MEGF10: variants seen among roughly 807,000 people sequenced by gnomAD.
MEGF10 encodes the protein multiple EGF like domains 10, also known as multiple epidermal growth factor-like domains protein 10.
In MEGF10, 86 loss-of-function variants were observed where a neutral mutation model predicts 147.5. The ratio of observed to expected loss-of-function variants is 0.58; its 90% CI spans 0.49 to 0.70. The LOEUF is 0.70. Among genes scored for constraint, MEGF10 ranks in the 30% least tolerant of loss-of-function variants. The pLI, the probability that MEGF10 is intolerant of heterozygous loss-of-function variation, is 0.00. For synonymous variants in MEGF10, 478 were observed against 525.5 expected, an observed-to-expected ratio of 0.91 and a Z score of 1.24; for missense variants, 1,329 against 1,487.3, an observed-to-expected ratio of 0.89 and a Z score of 1.75.
the MEGF10 span, among the ~76,000 whole-genome samples, chr5:127,244,448 C>A: frequency 4.0e-5 from 6 of 150,598 alleles, no homozygotes; most frequent in East Asian, 9.8e-4. Context: ...TGAATGAAAG[C>A]AATAGCCAAA....
chr5:127,273,395 C>A, the MEGF10 span, among the ~76,000 whole-genome samples: 1 of 152,196 alleles, frequency 6.6e-6, no homozygotes, highest in Admixed American at 6.5e-5. Flanking sequence ...CCTCATCAGT[C>A]CCAATGTGAG....
intron 4 of MEGF10, among the ~76,000 whole-genome samples, chr5:127,366,173 C>G (rs925133328): frequency 6.6e-6 from 1 of 151,998 alleles, no homozygotes. Context: ...GTGTGGGCGT[C>G]TGTGTCATGA....
At position 127,410,539 on chromosome 5, in the gene MEGF10, T is replaced by C; in HGVS notation, c.1068T>C (p.Pro356=). The part of the protein sequence containing the change: ...AGERCEARLC[P]EGLYGIKCDK... ...AGCGCTGCGAAGCACGCCTGTGTCC[T>C]GAGGGGCTCTACGGCATCAAATGTG... is the stretch of plus-strand genomic sequence containing the variant. Residue 356 remains proline (P), a synonymous_variant, in exon 9 of 25, where the codon CCT becomes CCC. Coordinates refer to ENST00000503335, the MANE Select transcript of MEGF10 (RefSeq NM_001256545.2). 6.2e-7 allele frequency: 1 copy of C among 1,613,456 alleles called. No individual in the cohort carries two copies. Among genetic ancestry groups the C allele is most frequent in the Non-Finnish European group, 8.5e-7 (1 of 1,180,016 alleles).
intron 17 of MEGF10, among the ~76,000 whole-genome samples, chr5:127,439,314 AG>A (rs1425091621): frequency 6.6e-6 from 1 of 152,236 alleles, no homozygotes; most frequent in East Asian, 1.9e-4. Flanking sequence ...AAAGGAGACA[AG>A]AAAGGAAGGC....
chr5:127,377,236 T>C (rs1179772951), intron 5 of MEGF10, among the ~76,000 whole-genome samples: 2 of 152,240 alleles, frequency 1.3e-5, no homozygotes, highest in African/African-American at 4.8e-5. Context: ...ACCTTTTGTA[T>C]GAATAGCAGT....
chr5:127,412,487 T>C (rs1289848791), intron 9 of MEGF10, among the ~76,000 whole-genome samples: 4 of 152,212 alleles, frequency 2.6e-5, no homozygotes, highest in Non-Finnish European at 4.4e-5. Context: ...ATCAAGCAAG[T>C]GGAGCCTTGC....
intron 5 of MEGF10, among the ~76,000 whole-genome samples, chr5:127,379,835 A>G (rs1479494620): frequency 6.6e-6 from 1 of 151,870 alleles, no homozygotes; most frequent in Non-Finnish European, 1.5e-5. Flanking sequence ...CCTGACCTCA[A>G]GAGATCTGCC....
intron 4 of MEGF10, among the ~76,000 whole-genome samples, chr5:127,341,626 G>A (rs958894621): frequency 1.4e-4 from 22 of 152,100 alleles, no homozygotes; most frequent in African/African-American, 5.1e-4. Context: ...TATGCAGACA[G>A]GGGCAGCTCC....
rs116328364 is a variant in MEGF10 at position 127,437,898 on chromosome 5, T to C, written c.2105-541T>C. 8.2e-3 allele frequency among the ~76,000 whole-genome samples: 1,255 copies of C among 152,342 alleles called. 17 individuals carry two copies. Among genetic ancestry groups the C allele is most frequent in the African/African-American group, 0.029 (1,186 of 41,576 alleles). On this transcript the variant is annotated intron_variant, in intron 16 of 24. Coordinates refer to ENST00000503335, the MANE Select transcript of MEGF10 (RefSeq NM_001256545.2). ...TTGAGTCAAGTCATTTTCCACACCT[T>C]ATCTCTGCTCAAATGTCCTCTCCTC...
chr5:127,410,355 AT>A (rs1414745995), intron 8 of MEGF10, 33 bp from the exon 9 acceptor site: 1 of 1,600,406 alleles, frequency 6.2e-7, no homozygotes, highest in South Asian at 1.1e-5. Flanking sequence ...GCACTAACTA[AT>A]CTTTCTTCTT....
chr5:127,365,623 C>T (rs1193953212), intron 4 of MEGF10, among the ~76,000 whole-genome samples: 6 of 152,130 alleles, frequency 3.9e-5, no homozygotes, highest in Admixed American at 1.3e-4. Flanking sequence ...TCTCTTGCCT[C>T]CTAGTTCTTG....
the MEGF10 span, among the ~76,000 whole-genome samples, chr5:127,266,605 G>A: frequency 2.0e-5 from 3 of 151,984 alleles, no homozygotes; most frequent in Non-Finnish European, 2.9e-5. Flanking sequence ...ATTGAGCAGT[G>A]GTTTATAGTT....
the MEGF10 span, among the ~76,000 whole-genome samples, chr5:127,273,768 A>G: frequency 6.6e-6 from 1 of 152,206 alleles, no homozygotes; most frequent in East Asian, 1.9e-4. Context: ...GCTTTTCGTA[A>G]ACTATATTTG....
intron 13 of MEGF10, chr5:127,424,410 G>T: frequency 1.1e-6 from 1 of 913,794 alleles, no homozygotes; most frequent in Non-Finnish European, 1.7e-6. Flanking sequence ...TTTCCACAAA[G>T]AAGCAAGGTG....
chr5:127,396,383 T>C (rs1019344061), intron 5 of MEGF10, 149 bp from the exon 6 acceptor site: 2 of 833,254 alleles, frequency 2.4e-6, no homozygotes, highest in East Asian at 5.5e-5. Flanking sequence ...AGCACCAGTT[T>C]GTGAAGCATT....
chr5:127,349,722 CT>C (rs1357285680), intron 4 of MEGF10, among the ~76,000 whole-genome samples: 3 of 147,874 alleles, frequency 2.0e-5, no homozygotes, highest in Non-Finnish European at 4.5e-5. Flanking sequence ...AATATTTTTT[CT>C]GAAGATTTTA....
chr5:127,438,384 C>T, intron 16 of MEGF10, 55 bp from the exon 17 acceptor site: 1 of 1,591,864 alleles, frequency 6.3e-7, no homozygotes, highest in Non-Finnish European at 8.6e-7. Context: ...GGAATTCTCC[C>T]TACTTAGTAT....
chr5:127,349,420 T>C (rs1050483682), intron 4 of MEGF10, among the ~76,000 whole-genome samples: 1 of 152,178 alleles, frequency 6.6e-6, no homozygotes, highest in Non-Finnish European at 1.5e-5. Context: ...TTAAATATAG[T>C]CCCATTTTTG....
At chr5:127,269,762 A>G in the MEGF10 span, among the ~76,000 whole-genome samples, 1 of 152,094 alleles carries the variant, frequency 6.6e-6, no homozygotes, top group African/African-American at 2.4e-5. Context: ...GAGAAGAGCA[A>G]CTCCAAGATA....
Sources: allele counts gnomAD v4.1 joint callset (sites outside exome capture counted in the v4.1 genomes callset), GRCh38; gene constraint gnomAD v4.1.1; transcripts MANE v1.5; gene names NCBI Gene and HGNC (gene_info 2026-07-23, HGNC 2026-07-21).